Variants in CDKL5 observed in about 807,000 individuals in gnomAD.
CDKL5 encodes the protein cyclin-dependent kinase-like 5.
Under a neutral mutation model 61.7 loss-of-function variants are expected in CDKL5, and 8 were observed. That is an observed-to-expected ratio of 0.13 (90% CI 0.08 to 0.23). The LOEUF (loss-of-function observed/expected upper bound fraction) is 0.23. Ranked by LOEUF, CDKL5 falls within the 10% of genes least tolerant of loss-of-function variation. The pLI, the probability that CDKL5 is intolerant of heterozygous loss-of-function variation, is 1.00. For missense variants in CDKL5, 440 were observed against 734.5 expected (o/e 0.60, Z 4.63); for synonymous variants, 275 against 272.3 (o/e 1.01, Z -0.10).
chrX:18,539,864 A>G (rs967991311), intron 3 of CDKL5, among the ~76,000 whole-genome samples: 3 of 111,520 alleles, frequency 2.7e-5, no homozygotes, highest in Non-Finnish European at 3.8e-5. Context: ...ATTTACCACA[A>G]TCTATTATCA....
chrX:18,454,250 T>C (rs543850692), intron 1 of CDKL5, among the ~76,000 whole-genome samples: 2 of 111,256 alleles, frequency 1.8e-5, no homozygotes, highest in African/African-American at 6.5e-5. Context: ...TTTCTTTTTT[T>C]TTTTGAGATG....
At chrX:18,560,083 G>A (rs1247278584) in intron 3 of CDKL5, among the ~76,000 whole-genome samples, 4 of 110,066 alleles carry the variant, frequency 3.6e-5, no homozygotes, top group Admixed American at 9.7e-5. Context: ...GAATAGTGCT[G>A]CAATAAACAT....
intron 1 of CDKL5, among the ~76,000 whole-genome samples, chrX:18,495,180 G>A (rs1323060268): frequency 8.9e-6 from 1 of 112,083 alleles, no homozygotes; most frequent in Non-Finnish European, 1.9e-5. Flanking sequence ...TCATTTGGAT[G>A]TGTAAAAACA....
At chrX:18,554,211 C>G (rs936831674) in intron 3 of CDKL5, among the ~76,000 whole-genome samples, 166 of 107,447 alleles carry the variant, frequency 1.5e-3, no homozygotes, top group Non-Finnish European at 2.7e-3. Context: ...GCTATCCCTC[C>G]CCCTTCCCCC....
At chrX:18,584,172 GTTTA>G in intron 7 of CDKL5, 87 bp from the exon 8 acceptor site, 1 of 587,294 alleles carries the variant, frequency 1.7e-6, no homozygotes, top group Non-Finnish European at 3.0e-6. Flanking sequence ...TTTTGATGTT[GTTTA>G]AAGTATTACT....
At chrX:18,522,844 G>A (rs1419196725) in intron 3 of CDKL5, among the ~76,000 whole-genome samples, 2 of 95,563 alleles carry the variant, frequency 2.1e-5, no homozygotes, top group Admixed American at 2.4e-4. Context: ...CAGGCTGGCT[G>A]TAGTGCAGTA....
At chrX:18,509,497 C>T (rs1356307498) in intron 2 of CDKL5, among the ~76,000 whole-genome samples, 1 of 111,017 alleles carries the variant, frequency 9.0e-6, no homozygotes, top group African/African-American at 3.3e-5. Flanking sequence ...CCGTGAAGCC[C>T]CCTTCTCATA....
intron 19 of CDKL5, among the ~76,000 whole-genome samples, chrX:18,645,769 A>G (rs929931947): frequency 9.0e-6 from 1 of 110,641 alleles, no homozygotes; most frequent in Admixed American, 9.7e-5. Context: ...GAGTCTGCTA[A>G]TTATCACCCG....
intron 3 of CDKL5, among the ~76,000 whole-genome samples, chrX:18,522,725 T>C (rs996871444): frequency 4.5e-5 from 5 of 110,551 alleles, no homozygotes; most frequent in Non-Finnish European, 9.4e-5. Context: ...TTAAATGAAA[T>C]TGCTGTTAAT....
chrX:18,595,083 G>A (rs1204616485), intron 9 of CDKL5, among the ~76,000 whole-genome samples: 2 of 111,982 alleles, frequency 1.8e-5, no homozygotes, highest in East Asian at 5.6e-4. Flanking sequence ...TCAGGAGGCT[G>A]AAGCAGGAGA....
intron 1 of CDKL5, among the ~76,000 whole-genome samples, chrX:18,464,415 T>G (rs1235422662): frequency 9.0e-6 from 1 of 111,554 alleles, no homozygotes; most frequent in Non-Finnish European, 1.9e-5. Flanking sequence ...TAATTGCATT[T>G]CTTTTGTGAA....
Position 18,604,310 on chromosome X carries a change from A to C in CDKL5, c.1386A>C (p.Glu462Asp), listed in dbSNP as rs748731763. ...QSKAGTLQPN[E>D]KQSRHSYIDT... ...AAGCTGGGACACTGCAGCCCAATGA[A>C]AAGCAGAGTCGGCATAGCTATATTG... Residue 462 changes from glutamate to aspartate, a missense_variant, in exon 12 of 18, where the codon GAA (glutamate) becomes GAC (aspartate). Glu to Asp is a conservative substitution (Grantham distance 45). This residue lies in a region of CDKL5 where 363 missense variants were observed against 516.3 expected (regional missense o/e 0.70). Transcript: ENST00000623535. The C allele has an allele frequency of 4.1e-6, 5 of 1,209,537 alleles. No individual in the cohort carries two copies. Among genetic ancestry groups the C allele is most frequent in the Non-Finnish European group, 5.6e-6 (5 of 894,866 alleles).
intron 1 of CDKL5, among the ~76,000 whole-genome samples, chrX:18,469,324 G>A (rs868474888): frequency 3.6e-4 from 25 of 69,611 alleles, no homozygotes; most frequent in Middle Eastern, 0.014. Flanking sequence ...GGGCGACAGA[G>A]TGAGACTCTG....
intron 1 of CDKL5, among the ~76,000 whole-genome samples, chrX:18,503,575 G>A (rs1922464897): frequency 8.9e-6 from 1 of 112,315 alleles, no homozygotes; most frequent in South Asian, 3.6e-4. Flanking sequence ...CTTATGTTCA[G>A]CTACCTTGCC....
chrX:18,459,306 A>G (rs1006321069), intron 1 of CDKL5, among the ~76,000 whole-genome samples: 4 of 111,688 alleles, frequency 3.6e-5, no homozygotes, highest in Non-Finnish European at 7.5e-5. Context: ...CTATAATCCC[A>G]GCACTTTGGG....
At chrX:18,514,209 C>A (rs1161790114) in intron 3 of CDKL5, among the ~76,000 whole-genome samples, 9 of 110,821 alleles carry the variant, frequency 8.1e-5, no homozygotes. Context: ...GATCATACTT[C>A]CTAATTTACT....
At chrX:18,519,257 G>A (rs1227122541) in intron 3 of CDKL5, among the ~76,000 whole-genome samples, 1 of 112,181 alleles carries the variant, frequency 8.9e-6, no homozygotes, top group Admixed American at 9.5e-5. Flanking sequence ...GCATGCTTTT[G>A]CAATACAATG....
At chrX:18,584,922 A>G (rs1363942408) in intron 8 of CDKL5, among the ~76,000 whole-genome samples, 1 of 112,406 alleles carries the variant, frequency 8.9e-6, no homozygotes, top group Non-Finnish European at 1.9e-5. Flanking sequence ...ATAAAATGGT[A>G]TATGTATGGA....
chrX:18,537,844 C>T (rs973991207), intron 3 of CDKL5, among the ~76,000 whole-genome samples: 2 of 112,331 alleles, frequency 1.8e-5, no homozygotes, highest in African/African-American at 3.2e-5. Context: ...ATAGTTTGCT[C>T]TTTTTTATTG....
Sources: gnomAD v4.1 joint callset for allele counts (sites outside exome capture counted in the v4.1 genomes callset) on GRCh38, gnomAD v4.1.1 for gene constraint, gnomAD v4.1.1 regional missense constraint, MANE v1.5 for transcripts, NCBI Gene and HGNC (gene_info 2026-07-23, HGNC 2026-07-21) for gene names.